Variants in NCS1 observed in about 807,000 individuals in gnomAD.
NCS1 encodes the protein frequenin homolog.
Under a neutral mutation model 28.4 loss-of-function variants are expected in NCS1, and 6 were observed. The observed-to-expected ratio is 0.21, with a 90% CI of 0.12 to 0.42. NCS1 has a LOEUF of 0.42. Ranked by LOEUF, NCS1 falls within the 10% of genes least tolerant of loss-of-function variation. The pLI, the probability that NCS1 is intolerant of heterozygous loss-of-function variation, is 1.00. For synonymous variants in NCS1, 86 were observed against 99.3 expected, an observed-to-expected ratio of 0.87 and a Z score of 0.79; for missense variants, 131 against 241.4, an observed-to-expected ratio of 0.54 and a Z score of 3.03.
At position 130,193,699 on chromosome 9, in the gene NCS1, C is replaced by T. The variant is rs182674403; in HGVS notation, c.65-7259C>T. On this transcript the variant is annotated intron_variant, in intron 1 of 7. Coordinates refer to ENST00000372398, the MANE Select transcript of NCS1 (RefSeq NM_014286.4). Reference sequence around the variant, plus strand: ...GAGTGAGGGGTGCAGGGAGCAGAGCCGCCCCCGGAAAGCGTGTGAGCTGGG... The same window carrying T: ...GAGTGAGGGGTGCAGGGAGCAGAGCTGCCCCCGGAAAGCGTGTGAGCTGGG... 2.8e-3 allele frequency: 435 copies of T among 153,180 alleles called. 4 individuals carry two copies. Among genetic ancestry groups the T allele is most frequent in the Middle Eastern group, 6.6e-3 (2 of 302 alleles). 9.5% of individuals were successfully genotyped at this position (153,180 alleles called of 1,614,324 possible). A position where few individuals can be genotyped will look rare whatever the true frequency, so the allele number is the denominator to read the frequency against.
chr9:130,195,035 G>A (rs1405434288), intron 1 of NCS1, among the ~76,000 whole-genome samples: 2 of 152,200 alleles, frequency 1.3e-5, no homozygotes, highest in African/African-American at 2.4e-5. Flanking sequence ...CAGGCTTAGT[G>A]TCCAGCTAGG....
At chr9:130,205,537 G>GA (rs1194053393) in intron 2 of NCS1, among the ~76,000 whole-genome samples, 86,601 of 114,992 alleles carry the variant, frequency 0.75, 32,720 homozygotes, top group East Asian at 0.93. Flanking sequence ...TCGTCTCTTA[G>GA]AAAAAAAAAA....
At position 130,215,246 on chromosome 9, in the gene NCS1, G is replaced by C. The variant is rs1554909194; in HGVS notation, c.90-2586G>C. Among the ~76,000 whole-genome samples, 1 of 152,172 alleles carries C rather than the reference G, an allele frequency of 6.6e-6. No individual in the cohort carries two copies. The highest frequency in any genetic ancestry group is 2.4e-5 in the African/African-American group (1 of 41,448). On this transcript the variant is annotated intron_variant, in intron 2 of 7. Coordinates refer to ENST00000372398, the MANE Select transcript of NCS1 (RefSeq NM_014286.4). The surrounding 1 kb of genome is among the most constrained non-coding windows in gnomAD (Gnocchi z 4.2). ...GGGGCCCATCCTGGCCTGGGAGTCT[G>C]GAGTCATGGGCCAGGCTGAAACAGA...
intron 2 of NCS1, among the ~76,000 whole-genome samples, chr9:130,206,447 C>T (rs1432841627): frequency 3.3e-5 from 5 of 149,368 alleles, no homozygotes; most frequent in East Asian, 3.9e-4. Context: ...CTCACTCGGT[C>T]GCCCAGGCTA....
At chr9:130,197,650 G>T (rs1344096006) in intron 1 of NCS1, among the ~76,000 whole-genome samples, 1 of 152,184 alleles carries the variant, frequency 6.6e-6, no homozygotes, top group Non-Finnish European at 1.5e-5. Context: ...AGAGATGTGG[G>T]TCCTGCCTGC....
chr9:130,190,735 G>A (rs1832806667), intron 1 of NCS1, among the ~76,000 whole-genome samples: 1 of 152,196 alleles, frequency 6.6e-6, no homozygotes, highest in South Asian at 2.1e-4. Flanking sequence ...CCTGAGCCTG[G>A]ACTCTGGAGT....
intron 1 of NCS1, chr9:130,200,437 C>A: frequency 1.3e-6 from 1 of 771,688 alleles, no homozygotes; most frequent in South Asian, 1.7e-5. Context: ...GGGCTGACCA[C>A]AGAGAGGGGC....
rs1399382210 is a variant in NCS1 at position 130,180,036 on chromosome 9, TATCTATCTATCTATC to T, written c.64+7310_64+7324del. On this transcript the variant is annotated intron_variant, in intron 1 of 7. Transcript: ENST00000372398. This position sits in a 1 kb window ranked among gnomAD's most constrained non-coding sequence, Gnocchi z 4.5. ...CTATCTATCTATCTATCTATCTATCTATCTATCTATCTATCGAGATGGAATCTCACTTCCGTCACC... is the reference window on the plus strand; with the variant it reads ...CTATCTATCTATCTATCTATCTATCTGAGATGGAATCTCACTTCCGTCACC... 1.4e-5 allele frequency among the ~76,000 whole-genome samples: 2 copies of T among 146,306 alleles called. No individual in the cohort carries two copies. Among genetic ancestry groups the T allele is most frequent in the African/African-American group, 5.1e-5 (2 of 38,860 alleles).
intron 4 of NCS1, among the ~76,000 whole-genome samples, chr9:130,221,399 T>G (rs1489026338): frequency 0.011 from 555 of 49,668 alleles, 1 homozygote; most frequent in Non-Finnish European, 0.016. Context: ...TATATATATA[T>G]ATATATATAT....
At chr9:130,178,422 A>G (rs920425790) in intron 1 of NCS1, among the ~76,000 whole-genome samples, 3 of 152,140 alleles carry the variant, frequency 2.0e-5, no homozygotes, top group Non-Finnish European at 4.4e-5. Flanking sequence ...GAATTCTCCC[A>G]TCACCCCGTG....
chr9:130,208,719 G>A (rs782289585), intron 2 of NCS1, among the ~76,000 whole-genome samples: 1 of 152,236 alleles, frequency 6.6e-6, no homozygotes. Flanking sequence ...GAGTGGGCGC[G>A]GAGACAGCCT....
At chr9:130,189,717 C>CT (rs1214994271) in intron 1 of NCS1, among the ~76,000 whole-genome samples, 2 of 151,424 alleles carry the variant, frequency 1.3e-5, no homozygotes, top group African/African-American at 4.9e-5. Context: ...TGGCGCGTGC[C>CT]TATAATCCCA....
At chr9:130,206,711 C>T (rs1399796558) in intron 2 of NCS1, among the ~76,000 whole-genome samples, 1 of 152,060 alleles carries the variant, frequency 6.6e-6, no homozygotes, top group African/African-American at 2.4e-5. Context: ...CGCCCGGCCC[C>T]GTTCTTGTTC....
intron 1 of NCS1, among the ~76,000 whole-genome samples, chr9:130,174,761 AGATTGCTCCAAGAGG>A (rs1279479730): frequency 7.1e-6 from 1 of 140,788 alleles, no homozygotes; most frequent in Non-Finnish European, 1.5e-5. Context: ...CGGTGAGGTG[AGATTGCTCCAAGAGG>A]GAAACTCTGT....
At position 130,222,041 on chromosome 9, in the gene NCS1, C is replaced by CATAAA. The variant is rs1554910607; in HGVS notation, c.308-609_308-608insATAAA. 0.026 allele frequency among the ~76,000 whole-genome samples: 253 copies of CATAAA among 9,888 alleles called. 86 individuals carry two copies. The East Asian group carries it at 0.3, about 12-fold the overall frequency. 6.5% of individuals were successfully genotyped at this position (9,888 alleles called of 152,430 possible). Reference sequence around the variant, plus strand: ...ATATACATAAATATAAATTATGTATCTATAAATATATATACATAAATATAA... The same window carrying CATAAA: ...ATATACATAAATATAAATTATGTATCATAAATATAAATATATATACATAAATATAA... On this transcript the variant is annotated intron_variant, in intron 4 of 7. Coordinates refer to ENST00000372398, the MANE Select transcript of NCS1 (RefSeq NM_014286.4).
At chr9:130,228,200 T>G (rs1554911678) in intron 7 of NCS1, among the ~76,000 whole-genome samples, 1 of 151,930 alleles carries the variant, frequency 6.6e-6, no homozygotes, top group Non-Finnish European at 1.5e-5. Flanking sequence ...CTTTTTTTTT[T>G]CTGCGACTGG....
chr9:130,224,754 C>G (rs79426213), intron 6 of NCS1, among the ~76,000 whole-genome samples: 4,834 of 151,972 alleles, frequency 0.032, 235 homozygotes, highest in African/African-American at 0.11. Flanking sequence ...TATCCTTGAG[C>G]CTAAAATAAA....
rs782580114 is a variant in NCS1 at position 130,209,642 on chromosome 9, G to A, written c.90-8190G>A. On this transcript the variant is annotated intron_variant, in intron 2 of 7. Coordinates refer to ENST00000372398, the MANE Select transcript of NCS1 (RefSeq NM_014286.4). This position sits in a 1 kb window ranked among gnomAD's most constrained non-coding sequence, Gnocchi z 4.4. The stretch of plus-strand genomic sequence containing the variant: ...CTGGCGCCGTGTTGGGGAAGAGAAG[G>A]TGGGAGGTGTGGGAGGAGACCCAGC... Among the ~76,000 whole-genome samples, 8 of 152,320 alleles carry A rather than the reference G, an allele frequency of 5.3e-5. No homozygotes were observed. The highest frequency in any genetic ancestry group is 9.6e-5 in the African/African-American group (4 of 41,566).
Position 130,199,653 on chromosome 9 carries a change from C to T in NCS1, c.65-1305C>T, listed in dbSNP as rs1554907226. Among the ~76,000 whole-genome samples, 4 of 152,230 alleles carry T rather than the reference C, an allele frequency of 2.6e-5. No individual in the cohort carries two copies. In the South Asian group the frequency reaches 8.3e-4, roughly 31 times the overall value. On this transcript the variant is annotated intron_variant, in intron 1 of 7. Transcript: ENST00000372398. ...CCTCCCTCCATGCTGTCATAAGAGCCGTTGAGCTAAAGCACAGAGGCCCGC... is the reference window on the plus strand; with the variant it reads ...CCTCCCTCCATGCTGTCATAAGAGCTGTTGAGCTAAAGCACAGAGGCCCGC...
Sources: gnomAD v4.1 joint callset for allele counts (sites outside exome capture counted in the v4.1 genomes callset) on GRCh38, gnomAD v4.1.1 for gene constraint, Gnocchi (gnomAD v3.1) non-coding constraint, MANE v1.5 for transcripts, NCBI Gene and HGNC (gene_info 2026-07-23, HGNC 2026-07-21) for gene names.